The following CAMK1D variants were observed in gnomAD, a reference collection of about 807,000 sequenced individuals.
CAMK1D encodes calcium/calmodulin-dependent protein kinase type 1D.
CAMK1D carries 9 observed loss-of-function variants against 47.7 expected under a neutral mutation model. The ratio of observed to expected loss-of-function variants is 0.19; its 90% CI spans 0.11 to 0.33. The LOEUF (loss-of-function observed/expected upper bound fraction) is 0.33. Ranked by LOEUF, CAMK1D falls within the 10% of genes least tolerant of loss-of-function variation. The probability of loss-of-function intolerance (pLI) is 1.00; values close to 1 mark genes in which losing one functional copy is unlikely to be tolerated. For missense variants in CAMK1D, 291 were observed against 488.7 expected (o/e 0.60, Z 3.81); for synonymous variants, 184 against 184.9 (o/e 0.99, Z 0.04).
At chr10:12,804,341 C>T (rs1469819897) in intron 6 of CAMK1D, among the ~76,000 whole-genome samples, 5 of 152,112 alleles carry the variant, frequency 3.3e-5, no homozygotes, top group African/African-American at 9.7e-5. Flanking sequence ...AGGCCAGGCG[C>T]AGTGGCTCAC....
chr10:12,633,484 T>C (rs144750529), intron 2 of CAMK1D, among the ~76,000 whole-genome samples: 2,044 of 152,224 alleles, frequency 0.013, 42 homozygotes, highest in African/African-American at 0.047. Flanking sequence ...ACAGCGTCCT[T>C]ATATCCCTGA....
At chr10:12,437,200 C>G (rs1832661169) in intron 1 of CAMK1D, among the ~76,000 whole-genome samples, 1 of 151,980 alleles carries the variant, frequency 6.6e-6, no homozygotes, top group Non-Finnish European at 1.5e-5. Context: ...GTCTGTCTGT[C>G]TATGTAATCT....
intron 6 of CAMK1D, among the ~76,000 whole-genome samples, chr10:12,812,769 C>T (rs956248366): frequency 1.3e-5 from 2 of 152,192 alleles, no homozygotes; most frequent in Admixed American, 6.5e-5. Flanking sequence ...TCTTCCTGGC[C>T]GTCCAGTGTA....
chr10:12,513,103 C>G (rs925514730), intron 1 of CAMK1D, among the ~76,000 whole-genome samples: 3 of 152,180 alleles, frequency 2.0e-5, no homozygotes, highest in Non-Finnish European at 1.5e-5. Flanking sequence ...TTCCCTGAAT[C>G]AAGTGTTTCT....
At chr10:12,589,796 C>T (rs1250723424) in intron 2 of CAMK1D, among the ~76,000 whole-genome samples, 1 of 152,172 alleles carries the variant, frequency 6.6e-6, no homozygotes, top group South Asian at 2.1e-4. Flanking sequence ...CATTTGTCCT[C>T]CTTCATTGCA....
chr10:12,629,788 G>T (rs754507847), intron 2 of CAMK1D, among the ~76,000 whole-genome samples: 1 of 152,324 alleles, frequency 6.6e-6, no homozygotes, highest in East Asian at 1.9e-4. Flanking sequence ...AAAAGCAAGG[G>T]GTTCTGGATA....
intron 1 of CAMK1D, among the ~76,000 whole-genome samples, chr10:12,437,656 T>G (rs2399858): frequency 0.71 from 108,332 of 152,022 alleles, 40,215 homozygotes; most frequent in Non-Finnish European, 0.83. Flanking sequence ...GAACCCACAA[T>G]GACACGTCAC....
rs59396028 is a variant in CAMK1D, at chr10:12,381,577, T to C, written c.92+31667T>C. On this transcript the variant is annotated intron_variant, in intron 1 of 10. Transcript: ENST00000619168. ...CTGACCTCAGGTGATCCGCCTGCCT[T>C]GGCCTCCCAAAGTGCTGGGATTACA... 2.0e-5 allele frequency among the ~76,000 whole-genome samples: 3 copies of C among 152,284 alleles called. No homozygotes were observed. In the East Asian group the frequency reaches 5.8e-4, roughly 29 times the overall value.
chr10:12,479,945 C>G (rs374082604), intron 1 of CAMK1D, among the ~76,000 whole-genome samples: 14 of 152,282 alleles, frequency 9.2e-5, no homozygotes, highest in East Asian at 7.7e-4. Context: ...TTTCTGCCCC[C>G]CCAAATGCCA....
intron 3 of CAMK1D, among the ~76,000 whole-genome samples, chr10:12,741,201 G>C (rs947138984): frequency 2.0e-5 from 3 of 152,220 alleles, no homozygotes; most frequent in African/African-American, 4.8e-5. Flanking sequence ...CGGGGGTACA[G>C]AGTTTCCTGT....
At position 12,641,488 on chromosome 10, in the gene CAMK1D, G is replaced by GGT. The variant is rs1417625506; in HGVS notation, c.225-25244_225-25243dup. Among the ~76,000 whole-genome samples the GGT allele has an allele frequency of 5.9e-5, 9 of 151,886 alleles. 1 individual carries two copies. The East Asian group carries it at 1.8e-3, about 30-fold the overall frequency. Reference sequence around the variant, plus strand: ...AATACAAAAATTAGCTGGGTGTGGTGGTGTGCACCTGTAGTCCTGGTTGGA... The same window carrying GGT: ...AATACAAAAATTAGCTGGGTGTGGTGGTGTGTGCACCTGTAGTCCTGGTTGGA... On this transcript the variant is annotated intron_variant, in intron 2 of 10. Transcript: ENST00000619168.
chr10:12,732,911 C>T (rs1055216605), intron 3 of CAMK1D, among the ~76,000 whole-genome samples: 6 of 152,184 alleles, frequency 3.9e-5, no homozygotes, highest in Non-Finnish European at 7.3e-5. Context: ...AAGCCACTAA[C>T]CTCCCTCCTT....
At chr10:12,590,155 C>G (rs527726736) in intron 2 of CAMK1D, among the ~76,000 whole-genome samples, 1 of 152,280 alleles carries the variant, frequency 6.6e-6, no homozygotes, top group South Asian at 2.1e-4. Flanking sequence ...TTTCTTGCTG[C>G]GGAGTTAATG....
intron 2 of CAMK1D, among the ~76,000 whole-genome samples, chr10:12,571,016 T>C (rs1837307699): frequency 1.3e-5 from 2 of 152,082 alleles, no homozygotes; most frequent in African/African-American, 4.8e-5. Context: ...TGGCTGTTTT[T>C]CCATCATCTC....
At chr10:12,440,538 T>C (rs1211483876) in intron 1 of CAMK1D, among the ~76,000 whole-genome samples, 1 of 152,190 alleles carries the variant, frequency 6.6e-6, no homozygotes, top group Non-Finnish European at 1.5e-5. Context: ...TCCGCCCACC[T>C]CGGCCTCCCA....
At chr10:12,621,239 CAG>C (rs34235940) in intron 2 of CAMK1D, among the ~76,000 whole-genome samples, 51,757 of 152,002 alleles carry the variant, frequency 0.34, 10,947 homozygotes, top group Non-Finnish European at 0.45. Context: ...TGTTGTTTTT[CAG>C]AGTTGTTTAG....
chr10:12,787,980 A>C (rs2130988214), intron 5 of CAMK1D, among the ~76,000 whole-genome samples: 1 of 152,318 alleles, frequency 6.6e-6, no homozygotes, highest in Non-Finnish European at 1.5e-5. Flanking sequence ...ATCTCCAAAA[A>C]AAAAATTATG....
chr10:12,512,846 A>G (rs1835080599), intron 1 of CAMK1D, among the ~76,000 whole-genome samples: 2 of 152,224 alleles, frequency 1.3e-5, no homozygotes, highest in Admixed American at 6.5e-5. Context: ...TGAGACTGCA[A>G]CAGGGAAAGC....
chr10:12,391,976 AACACACACACAC>A (rs10659393), intron 1 of CAMK1D, among the ~76,000 whole-genome samples: 66 of 143,248 alleles, frequency 4.6e-4, no homozygotes, highest in East Asian at 1.5e-3. Flanking sequence ...CTTGTCTTAA[AACACACACACAC>A]ACACACACAC....
Sources: gnomAD v4.1 joint callset for allele counts (sites outside exome capture counted in the v4.1 genomes callset) on GRCh38, gnomAD v4.1.1 for gene constraint, MANE v1.5 for transcripts, NCBI Gene and HGNC (gene_info 2026-07-23, HGNC 2026-07-21) for gene names.